The following NEK7 variants were observed in gnomAD, a reference collection of about 807,000 sequenced individuals.
NEK7 encodes serine/threonine-protein kinase Nek7.
In NEK7, 18 loss-of-function variants were observed where a neutral mutation model predicts 44.6. That is an observed-to-expected ratio of 0.40 (90% CI 0.28 to 0.60). The LOEUF (loss-of-function observed/expected upper bound fraction) is 0.60, where lower values mean the gene tolerates loss of function less well. NEK7 is among the 20% of genes least tolerant of loss of function. NEK7 has a pLI of 0.38. For missense variants in NEK7, 256 were observed against 366.5 expected, an observed-to-expected ratio of 0.70 and a Z score of 2.46; for synonymous variants, 130 against 121.1, an observed-to-expected ratio of 1.07 and a Z score of -0.48.
intron 9 of NEK7, among the ~76,000 whole-genome samples, chr1:198,314,039 G>A (rs1489438060): frequency 6.6e-6 from 1 of 151,842 alleles, no homozygotes; most frequent in Non-Finnish European, 1.5e-5. Context: ...TTCCAACTTG[G>A]TTCCATTCTC....
At chr1:198,221,115 G>A (rs1490597662) in intron 1 of NEK7, 6 of 151,928 alleles carry the variant, frequency 3.9e-5, no homozygotes, top group Non-Finnish European at 1.5e-5. Flanking sequence ...AAATTGGTAA[G>A]CACATATTTT....
intron 1 of NEK7, among the ~76,000 whole-genome samples, chr1:198,187,393 G>A (rs1350326195): frequency 3.9e-5 from 6 of 152,156 alleles, no homozygotes; most frequent in Non-Finnish European, 8.8e-5. Context: ...CCTCATGTGA[G>A]TCAGCATCTC....
Position 198,320,951 on chromosome 1 carries a change from G to T in NEK7, c.*1429G>T, listed in dbSNP as rs1006903452. 1 of 152,312 alleles carries T rather than the reference G, an allele frequency of 6.6e-6. No individual in the cohort carries two copies. Among genetic ancestry groups the T allele is most frequent in the Non-Finnish European group, 1.5e-5 (1 of 68,034 alleles). The allele number at this position is 152,312 out of a possible 1,614,324, so 9.4% of individuals were successfully genotyped here. ...AGATGTGTTTTCCCTGAATGCTTTC[G>T]TATTAGTGGCGACCAGTTTCTCACA... On this transcript the variant is annotated 3_prime_UTR_variant, in exon 10 of 10. Transcript: ENST00000367385.
rs1654227122 is a variant in NEK7, at chr1:198,282,303, T to C, written c.589+3242T>C. On this transcript the variant is annotated intron_variant, in intron 7 of 9. Coordinates refer to ENST00000367385, the MANE Select transcript of NEK7 (RefSeq NM_133494.3). ...AAATCCTCCTTGGTTCCTTGTTGCC[T>C]GAAGAATGTCATGCAAGGTCCTTGG... Among the ~76,000 whole-genome samples, 3 of 152,102 alleles carry C rather than the reference T, an allele frequency of 2.0e-5. No homozygotes were observed. The South Asian group carries it at 6.2e-4, about 31-fold the overall frequency.
chr1:198,196,785 G>C (rs1461368058), intron 1 of NEK7, among the ~76,000 whole-genome samples: 1 of 152,240 alleles, frequency 6.6e-6, no homozygotes, highest in East Asian at 1.9e-4. Flanking sequence ...GTTAAGTCCA[G>C]CTGAAAGACT....
intron 2 of NEK7, among the ~76,000 whole-genome samples, chr1:198,250,726 A>T (rs1368324182): frequency 1.4e-5 from 2 of 144,222 alleles, no homozygotes; most frequent in African/African-American, 2.6e-5. Context: ...TTGTACATTG[A>T]TTTTGTATCC....
At position 198,285,986 on chromosome 1, in the gene NEK7, T is replaced by G. The variant is rs1654354940; in HGVS notation, c.589+6925T>G. 2.0e-5 allele frequency among the ~76,000 whole-genome samples: 3 copies of G among 152,150 alleles called. No individual in the cohort carries two copies. The South Asian group carries it at 6.2e-4, about 31-fold the overall frequency. On this transcript the variant is annotated intron_variant, in intron 7 of 9. Transcript: ENST00000367385. ...AAATTCTAAGCAGAGAGATTATCTT[T>G]AAATCCAGAAAGATTCATGAGGTTC...
At chr1:198,195,352 A>C (rs1665199390) in intron 1 of NEK7, among the ~76,000 whole-genome samples, 1 of 152,182 alleles carries the variant, frequency 6.6e-6, no homozygotes, top group Non-Finnish European at 1.5e-5. Flanking sequence ...AAGAGTATAC[A>C]TACTGTTCTG....
chr1:198,230,138 C>T (rs1666343354), intron 1 of NEK7, among the ~76,000 whole-genome samples: 1 of 152,104 alleles, frequency 6.6e-6, no homozygotes, highest in Non-Finnish European at 1.5e-5. Context: ...AATGTTATTT[C>T]ATAGGGGTCT....
At chr1:198,317,598 G>T (rs1655406486) in intron 9 of NEK7, among the ~76,000 whole-genome samples, 1 of 152,170 alleles carries the variant, frequency 6.6e-6, no homozygotes, top group Admixed American at 6.5e-5. Context: ...CACAGGAAAA[G>T]TTAAGGTTTC....
intron 1 of NEK7, among the ~76,000 whole-genome samples, chr1:198,226,159 G>T (rs1007737715): frequency 9.2e-5 from 14 of 151,820 alleles, no homozygotes; most frequent in Non-Finnish European, 1.9e-4. Context: ...AGGATTAGTG[G>T]TACGAGATAC....
At chr1:198,257,993 A>C (rs947814626) in intron 3 of NEK7, among the ~76,000 whole-genome samples, 1 of 152,238 alleles carries the variant, frequency 6.6e-6, no homozygotes, top group Non-Finnish European at 1.5e-5. Flanking sequence ...AATTATAGCC[A>C]AAAAGGAAAT....
intron 1 of NEK7, among the ~76,000 whole-genome samples, chr1:198,218,724 A>G (rs537107214): frequency 6.5e-5 from 9 of 139,172 alleles, no homozygotes; most frequent in African/African-American, 2.0e-4. Context: ...AAAAAATCCA[A>G]TTAAAAGATT....
At chr1:198,318,513 A>G (rs1024408350) in intron 9 of NEK7, among the ~76,000 whole-genome samples, 2 of 152,198 alleles carry the variant, frequency 1.3e-5, no homozygotes, top group Non-Finnish European at 2.9e-5. Flanking sequence ...AAATTTACTA[A>G]GTGCTATATC....
intron 1 of NEK7, among the ~76,000 whole-genome samples, chr1:198,203,537 G>T (rs551573829): frequency 1.3e-5 from 2 of 152,268 alleles, no homozygotes; most frequent in African/African-American, 4.8e-5. Flanking sequence ...CTGTCTGTGC[G>T]GACATTGGTA....
intron 9 of NEK7, among the ~76,000 whole-genome samples, chr1:198,310,287 C>T (rs189031836): frequency 4.6e-5 from 7 of 151,714 alleles, no homozygotes; most frequent in African/African-American, 1.5e-4. Context: ...TTTTTGATGG[C>T]GTTGTTTGTT....
intron 7 of NEK7, among the ~76,000 whole-genome samples, chr1:198,285,460 G>A (rs1033393758): frequency 2.6e-5 from 4 of 152,202 alleles, no homozygotes; most frequent in African/African-American, 9.6e-5. Flanking sequence ...GTAGACGCTT[G>A]TTGGTCTTTA....
intron 7 of NEK7, among the ~76,000 whole-genome samples, chr1:198,283,887 C>G (rs1280531214): frequency 6.6e-6 from 1 of 152,030 alleles, no homozygotes; most frequent in Non-Finnish European, 1.5e-5. Flanking sequence ...GTTGTATGAC[C>G]CACAATTTGG....
At chr1:198,165,199 A>C (rs1039413281) in intron 1 of NEK7, among the ~76,000 whole-genome samples, 2 of 152,192 alleles carry the variant, frequency 1.3e-5, no homozygotes, top group African/African-American at 4.8e-5. Context: ...TGAGGGTTGG[A>C]ATCAACTTCT....
Sources: gnomAD v4.1 joint callset for allele counts (sites outside exome capture counted in the v4.1 genomes callset) on GRCh38, gnomAD v4.1.1 for gene constraint, MANE v1.5 for transcripts, NCBI Gene and HGNC (gene_info 2026-07-23, HGNC 2026-07-21) for gene names.